Variants in ZDHHC2 observed in about 807,000 individuals in gnomAD.
ZDHHC2 encodes zDHHC palmitoyltransferase 2, also known as palmitoyltransferase ZDHHC2.
Under a neutral mutation model 55.6 loss-of-function variants are expected in ZDHHC2, and 51 were observed. The observed-to-expected ratio is 0.92, with a 90% CI of 0.73 to 1.16. The LOEUF (loss-of-function observed/expected upper bound fraction) is 1.16, where lower values mean the gene tolerates loss of function less well. Ranked by LOEUF, ZDHHC2 falls within the 50% of genes most tolerant of loss-of-function variation. The pLI, the probability that ZDHHC2 is intolerant of heterozygous loss-of-function variation, is 0.00. For missense variants in ZDHHC2, 491 were observed against 442.4 expected (o/e 1.11, Z -0.99); for synonymous variants, 199 against 152.9 (o/e 1.30, Z -2.22).
intron 6 of ZDHHC2, among the ~76,000 whole-genome samples, chr8:17,199,512 TTCGTCTTCG>T (rs1189528887): frequency 3.5e-4 from 14 of 39,640 alleles, no homozygotes; most frequent in South Asian, 2.7e-3. Context: ...CTTCTTCTTC[TTCGTCTTCG>T]TCTTCGTCTT....
intron 10 of ZDHHC2, among the ~76,000 whole-genome samples, 176 bp downstream of exon 10, chr8:17,210,656 A>G (rs536357652): frequency 6.6e-6 from 1 of 152,348 alleles, no homozygotes; most frequent in African/African-American, 2.4e-5. Context: ...GGAAGCTTCA[A>G]TTATACTTGT....
intron 1 of ZDHHC2, among the ~76,000 whole-genome samples, chr8:17,163,719 C>A (rs1804466971): frequency 6.6e-6 from 1 of 152,130 alleles, no homozygotes; most frequent in African/African-American, 2.4e-5. Context: ...GAAATTCTGT[C>A]TTGTCTGTCT....
intron 1 of ZDHHC2, among the ~76,000 whole-genome samples, chr8:17,160,852 G>A (rs1272514897): frequency 3.3e-5 from 5 of 152,210 alleles, no homozygotes; most frequent in East Asian, 1.9e-4. Flanking sequence ...ACAAATGGGC[G>A]TGGCTTTTAT....
intron 1 of ZDHHC2, among the ~76,000 whole-genome samples, chr8:17,166,211 T>A (rs867047952): frequency 1.8e-4 from 28 of 152,182 alleles, no homozygotes; most frequent in African/African-American, 6.8e-4. Flanking sequence ...TGAGCGATGA[T>A]GGTGTGTGAA....
intron 1 of ZDHHC2, among the ~76,000 whole-genome samples, chr8:17,176,486 G>T (rs1350545622): frequency 6.6e-6 from 1 of 151,754 alleles, no homozygotes; most frequent in Non-Finnish European, 1.5e-5. Context: ...ATCACGGTAG[G>T]ATTTAAGATA....
chr8:17,212,991 T>A (rs907847861), intron 10 of ZDHHC2, among the ~76,000 whole-genome samples: 6 of 151,738 alleles, frequency 4.0e-5, no homozygotes, highest in African/African-American at 1.4e-4. Flanking sequence ...GCCTTCTGGA[T>A]GTCATTCTTT....
At chr8:17,162,045 C>A (rs1804371642) in intron 1 of ZDHHC2, among the ~76,000 whole-genome samples, 1 of 152,126 alleles carries the variant, frequency 6.6e-6, no homozygotes, top group Admixed American at 6.6e-5. Context: ...ATGTTCCAAA[C>A]TCTTGATCCG....
intron 1 of ZDHHC2, among the ~76,000 whole-genome samples, chr8:17,169,681 C>T (rs2517071): frequency 6.6e-6 from 1 of 152,086 alleles, no homozygotes; most frequent in Non-Finnish European, 1.5e-5. Context: ...AGCAAGGTTT[C>T]TGTTTTGCCC....
intron 1 of ZDHHC2, among the ~76,000 whole-genome samples, chr8:17,180,600 A>G (rs962906220): frequency 6.6e-6 from 1 of 152,132 alleles, no homozygotes; most frequent in African/African-American, 2.4e-5. Context: ...CATGGGGCTT[A>G]CTCTACACAA....
chr8:17,163,058 G>T (rs1200875160), intron 1 of ZDHHC2, among the ~76,000 whole-genome samples: 1 of 152,238 alleles, frequency 6.6e-6, no homozygotes, highest in African/African-American at 2.4e-5. Flanking sequence ...CTTTTACTCT[G>T]TCCAGGGCCT....
At chr8:17,205,579 A>G (rs1807058332) in intron 6 of ZDHHC2, 76 bp from the exon 7 acceptor site, 14 of 1,422,524 alleles carry the variant, frequency 9.8e-6, no homozygotes, top group Non-Finnish European at 1.3e-5. Context: ...AGAGGAAGCT[A>G]AACACTTGCT....
chr8:17,214,825 G>A (rs1357335294), intron 10 of ZDHHC2, among the ~76,000 whole-genome samples: 1 of 152,030 alleles, frequency 6.6e-6, no homozygotes, highest in Non-Finnish European at 1.5e-5. Context: ...ATTGATTTGA[G>A]CGAAGGAGGT....
chr8:17,215,673 A>C (rs1316683218), intron 11 of ZDHHC2, among the ~76,000 whole-genome samples: 1 of 152,222 alleles, frequency 6.6e-6, no homozygotes, highest in Non-Finnish European at 1.5e-5. Context: ...CAATCAAATC[A>C]GATAGAAGAT....
chr8:17,214,306 G>C (rs903530869), intron 10 of ZDHHC2, among the ~76,000 whole-genome samples: 1 of 152,174 alleles, frequency 6.6e-6, no homozygotes, highest in Non-Finnish European at 1.5e-5. Flanking sequence ...GGGTTTGTAA[G>C]ACCTGATAAT....
At chr8:17,175,547 G>C (rs1585662267) in intron 1 of ZDHHC2, among the ~76,000 whole-genome samples, 1 of 152,154 alleles carries the variant, frequency 6.6e-6, no homozygotes. Context: ...GTCACAGTTT[G>C]GTGATGAATT....
chr8:17,190,919 A>G (rs1226671641), intron 3 of ZDHHC2, among the ~76,000 whole-genome samples: 2 of 97,474 alleles, frequency 2.1e-5, no homozygotes, highest in East Asian at 6.0e-4. Context: ...TAGCCGCCCT[A>G]TTGTGCTGTC....
rs1218447500 is a variant in ZDHHC2 at position 17,199,488 on chromosome 8, T to G, written c.476+1075T>G. On this transcript the variant is annotated intron_variant, in intron 6 of 12. Coordinates refer to ENST00000262096, the MANE Select transcript of ZDHHC2 (RefSeq NM_016353.5). ...AGACTTCTTCTTCTTCTTCTTCTTC[T>G]TCTTCTTCTTCTTCTTCTTCTTCTT... is the stretch of plus-strand genomic sequence containing the variant. Among the ~76,000 whole-genome samples the G allele has an allele frequency of 6.5e-3, 209 of 31,920 alleles. 2 individuals are homozygous for G. Among genetic ancestry groups the G allele is most frequent in the Non-Finnish European group, 0.017 (162 of 9,582 alleles). 20.9% of individuals were successfully genotyped at this position (31,920 alleles called of 152,430 possible).
intron 6 of ZDHHC2, among the ~76,000 whole-genome samples, chr8:17,200,178 C>T (rs753856886): frequency 5.3e-5 from 8 of 152,212 alleles, no homozygotes; most frequent in Non-Finnish European, 1.0e-4. Flanking sequence ...TCTCCCGTAC[C>T]TGCTGGCAGC....
intron 6 of ZDHHC2, among the ~76,000 whole-genome samples, chr8:17,198,927 G>T (rs893807686): frequency 5.9e-5 from 9 of 152,154 alleles, no homozygotes; most frequent in African/African-American, 2.2e-4. Flanking sequence ...ATATTTCTCA[G>T]TCACGAAATC....
Sources: allele counts gnomAD v4.1 joint callset (sites outside exome capture counted in the v4.1 genomes callset), GRCh38; gene constraint gnomAD v4.1.1; transcripts MANE v1.5; gene names NCBI Gene and HGNC (gene_info 2026-07-23, HGNC 2026-07-21).